The following ZSCAN5A variants were observed in gnomAD, a reference collection of about 807,000 sequenced individuals.
ZSCAN5A encodes the protein zinc finger and SCAN domain-containing protein 5A.
ZSCAN5A carries 12 observed loss-of-function variants against 23.7 expected under a neutral mutation model. That is an observed-to-expected ratio of 0.51 (90% confidence interval 0.32 to 0.82). The LOEUF is 0.82. ZSCAN5A is among the 40% of genes least tolerant of loss of function. The pLI is 0.03. For missense variants in ZSCAN5A, 597 were observed against 617.9 expected, an observed-to-expected ratio of 0.97 and a Z score of 0.36; for synonymous variants, 257 against 239.9, an observed-to-expected ratio of 1.07 and a Z score of -0.66.
At chr19:56,333,159 A>G (rs2041504438) in intron 2 of ZSCAN5A, among the ~76,000 whole-genome samples, 1 of 151,640 alleles carries the variant, frequency 6.6e-6, no homozygotes, top group Non-Finnish European at 1.5e-5. Context: ...TTCGTATAGT[A>G]TCTCCCAGGT....
intron 2 of ZSCAN5A, chr19:56,302,826 T>C: frequency 2.5e-6 from 1 of 398,692 alleles, no homozygotes; most frequent in Non-Finnish European, 4.4e-6. Context: ...TGCCGCTGTC[T>C]CTTGTTCTTT....
intron 2 of ZSCAN5A, among the ~76,000 whole-genome samples, chr19:56,226,550 A>G (rs2033956673): frequency 6.6e-6 from 1 of 152,160 alleles, no homozygotes; most frequent in Non-Finnish European, 1.5e-5. Context: ...GCTGTTCCCA[A>G]AAAGACACAT....
chr19:56,354,689 T>G (rs935803815), intron 2 of ZSCAN5A: 72 of 152,370 alleles, frequency 4.7e-4, no homozygotes, highest in African/African-American at 1.7e-3. Flanking sequence ...AAAGCAGGTT[T>G]AGAGAGTCAG....
At chr19:56,326,182 C>T (rs2041431999) in intron 2 of ZSCAN5A, among the ~76,000 whole-genome samples, 1 of 152,032 alleles carries the variant, frequency 6.6e-6, no homozygotes, top group African/African-American at 2.4e-5. Context: ...CGTGATCGGC[C>T]CGCCTCGGCC....
intron 2 of ZSCAN5A, among the ~76,000 whole-genome samples, chr19:56,292,052 T>C (rs758759): frequency 0.85 from 129,292 of 152,142 alleles, 55,689 homozygotes; most frequent in Middle Eastern, 0.9. Flanking sequence ...GGCATCCCAG[T>C]GGTGACGGTG....
intron 2 of ZSCAN5A, chr19:56,228,546 A>T (rs1010184742): frequency 1.3e-6 from 1 of 794,574 alleles, no homozygotes; most frequent in Non-Finnish European, 1.5e-6. Context: ...GGCCTCAGAA[A>T]ATATAGATTT....
intron 2 of ZSCAN5A, among the ~76,000 whole-genome samples, chr19:56,252,500 G>A (rs759168524): frequency 6.6e-6 from 1 of 152,182 alleles, no homozygotes; most frequent in Non-Finnish European, 1.5e-5. Flanking sequence ...TGAGAGGGCA[G>A]AGAAAGGAGG....
intron 2 of ZSCAN5A, among the ~76,000 whole-genome samples, chr19:56,271,913 C>T (rs953557760): frequency 3.3e-5 from 5 of 152,192 alleles, no homozygotes; most frequent in Non-Finnish European, 7.3e-5. Context: ...AAAGCAATTT[C>T]TAAGAATTAC....
intron 1 of ZSCAN5A, among the ~76,000 whole-genome samples, chr19:56,363,618 A>ATTT (rs1465271321): frequency 2.0e-5 from 3 of 152,220 alleles, no homozygotes; most frequent in Non-Finnish European, 2.9e-5. Context: ...GAGGTGTCAG[A>ATTT]TGGAAATGAG....
At position 56,352,045 on chromosome 19, in the gene ZSCAN5A, T is replaced by C. The variant is rs541832305; in HGVS notation, c.-358+11190A>G. 1.3e-5 allele frequency among the ~76,000 whole-genome samples: 2 copies of C among 152,318 alleles called. No homozygotes were observed. The highest frequency in any genetic ancestry group is 3.9e-4 in the East Asian group (2 of 5,190). On this transcript the variant is annotated intron_variant, in intron 2 of 6. Transcript: ENST00000587340. The surrounding 1 kb of genome is among the most constrained non-coding windows in gnomAD (Gnocchi z 4.2). Reference sequence around the variant, plus strand: ...GCGGTGAAGATACTGATGGAGTGCCTTCTTTATGCCCTGCGCTTGGGTATG... The same window carrying C: ...GCGGTGAAGATACTGATGGAGTGCCCTCTTTATGCCCTGCGCTTGGGTATG...
chr19:56,331,711 C>G (rs960905884), intron 2 of ZSCAN5A, among the ~76,000 whole-genome samples: 1 of 149,830 alleles, frequency 6.7e-6, no homozygotes, highest in African/African-American at 2.5e-5. Flanking sequence ...CTTCAGCTTC[C>G]TGAGTAGCTG....
At chr19:56,237,979 A>C (rs2035080783) in intron 2 of ZSCAN5A, among the ~76,000 whole-genome samples, 1 of 92,346 alleles carries the variant, frequency 1.1e-5, no homozygotes, top group Non-Finnish European at 2.2e-5. Flanking sequence ...ACACGGACAC[A>C]CACACATACA....
In ZSCAN5A at chr19:56,267,785, C is replaced by T. The variant is rs375914571; in HGVS notation, c.-127-42612G>A. Among the ~76,000 whole-genome samples, 14 of 152,298 alleles carry T rather than the reference C, an allele frequency of 9.2e-5. No individual in the cohort carries two copies. In the East Asian group the frequency reaches 2.3e-3, roughly 25 times the overall value. On this transcript the variant is annotated intron_variant, in intron 2 of 5. Transcript: ENST00000683990. The stretch of plus-strand genomic sequence containing the variant: ...ATGACGCTAATAACAGTTCCCATCT[C>T]ATAGTGTTGTAGGAGTTATTATAGG...
At chr19:56,353,122 A>G (rs1204420558) in intron 2 of ZSCAN5A, among the ~76,000 whole-genome samples, 2 of 152,230 alleles carry the variant, frequency 1.3e-5, no homozygotes, top group Non-Finnish European at 1.5e-5. Flanking sequence ...CGCATGGATG[A>G]GGAGAAGGCA....
intron 2 of ZSCAN5A, among the ~76,000 whole-genome samples, chr19:56,309,178 C>A (rs35560203): frequency 6.6e-6 from 1 of 152,232 alleles, no homozygotes; most frequent in East Asian, 1.9e-4. Flanking sequence ...AAACACTGTG[C>A]TGAGTGAAAG....
intron 2 of ZSCAN5A, among the ~76,000 whole-genome samples, chr19:56,361,726 G>A (rs2147469351): frequency 6.6e-6 from 1 of 151,638 alleles, no homozygotes; most frequent in South Asian, 2.1e-4. Context: ...GTTGGGAGGA[G>A]AGTATCAAAA....
At chr19:56,321,858 G>A (rs1359454894) in intron 2 of ZSCAN5A, 1 of 846,110 alleles carries the variant, frequency 1.2e-6, no homozygotes, top group African/African-American at 1.7e-5. Flanking sequence ...GATAAATGGG[G>A]AGAAATTTCT....
At chr19:56,295,000 G>C (rs1462532799) in intron 2 of ZSCAN5A, 1 of 152,358 alleles carries the variant, frequency 6.6e-6, no homozygotes, top group East Asian at 1.9e-4. Context: ...CAGAGAGATG[G>C]GGAGTGACTG....
intron 2 of ZSCAN5A, among the ~76,000 whole-genome samples, chr19:56,275,082 G>C (rs1263567677): frequency 6.6e-6 from 1 of 152,186 alleles, no homozygotes; most frequent in Non-Finnish European, 1.5e-5. Flanking sequence ...ATGTTGATGT[G>C]TCTTATTACC....
Sources: gnomAD v4.1 joint callset for allele counts (sites outside exome capture counted in the v4.1 genomes callset) on GRCh38, gnomAD v4.1.1 for gene constraint, Gnocchi (gnomAD v3.1) non-coding constraint, MANE v1.5 for transcripts, NCBI Gene and HGNC (gene_info 2026-07-23, HGNC 2026-07-21) for gene names.